CSNK1G1: variants seen among roughly 807,000 people sequenced by gnomAD.
CSNK1G1 encodes casein kinase 1 gamma 1.
CSNK1G1 carries 22 observed loss-of-function variants against 59.6 expected under a neutral mutation model. The ratio of observed to expected loss-of-function variants is 0.37; its 90% confidence interval spans 0.26 to 0.53. The LOEUF is 0.53. Ranked by LOEUF, CSNK1G1 falls within the 20% of genes least tolerant of loss-of-function variation. The pLI is 0.89. For missense variants in CSNK1G1, 384 were observed against 519.5 expected (o/e 0.74, Z 2.54); for synonymous variants, 179 against 177.1 (o/e 1.01, Z -0.08).
intron 4 of CSNK1G1, among the ~76,000 whole-genome samples, chr15:64,228,170 C>T (rs1263757935): frequency 6.6e-6 from 1 of 152,140 alleles, no homozygotes; most frequent in African/African-American, 2.4e-5. Flanking sequence ...TTCCTGTCCA[C>T]CTCTCTGTGG....
chr15:64,230,087 A>G (rs557293639), intron 4 of CSNK1G1, among the ~76,000 whole-genome samples: 1 of 151,340 alleles, frequency 6.6e-6, no homozygotes, highest in East Asian at 1.9e-4. Flanking sequence ...GTGCCCGGCT[A>G]ATTTTTATAT....
At chr15:64,283,819 A>G (rs955172353) in intron 2 of CSNK1G1, among the ~76,000 whole-genome samples, 1 of 152,208 alleles carries the variant, frequency 6.6e-6, no homozygotes, top group African/African-American at 2.4e-5. Context: ...TTTGTCACAC[A>G]AAAGTTTTAA....
chr15:64,177,171 G>A (rs2081750737), intron 11 of CSNK1G1, among the ~76,000 whole-genome samples: 2 of 152,260 alleles, frequency 1.3e-5, no homozygotes, highest in Admixed American at 1.3e-4. Context: ...AGCTGGGTGA[G>A]GAACCCAAAA....
intron 10 of CSNK1G1, among the ~76,000 whole-genome samples, chr15:64,198,533 C>T (rs1166762315): frequency 2.0e-5 from 3 of 151,982 alleles, no homozygotes; most frequent in Non-Finnish European, 4.4e-5. Flanking sequence ...CATAGCAGGT[C>T]CTCAGCTCAG....
At chr15:64,246,303 T>C (rs1024639409) in intron 4 of CSNK1G1, among the ~76,000 whole-genome samples, 1 of 152,188 alleles carries the variant, frequency 6.6e-6, no homozygotes, top group African/African-American at 2.4e-5. Context: ...TTGTTTTGAC[T>C]ACTGCATTTG....
At chr15:64,273,141 G>C (rs995852000) in intron 2 of CSNK1G1, among the ~76,000 whole-genome samples, 2 of 152,180 alleles carry the variant, frequency 1.3e-5, no homozygotes, top group Admixed American at 6.5e-5. Context: ...AAGATAGCTA[G>C]ACAAGAGAAT....
In CSNK1G1 at chr15:64,216,514, G is replaced by A. The variant is rs2082313524; in HGVS notation, c.444+48C>T. 1.9e-6 allele frequency: 3 copies of A among 1,583,554 alleles called. No homozygotes were observed. Among genetic ancestry groups the A allele is most frequent in the Non-Finnish European group, 2.6e-6 (3 of 1,155,188 alleles). On this transcript the variant is annotated intron_variant, in intron 5 of 11. Transcript: ENST00000303052. The surrounding 1 kb of genome is among the most constrained non-coding windows in gnomAD (Gnocchi z 4.6). ...ATCACCAAAAGGCCCACAAGGATGTGGCTGAGGAACCAGCTTATTCTCTTC... is the reference window on the plus strand; with the variant it reads ...ATCACCAAAAGGCCCACAAGGATGTAGCTGAGGAACCAGCTTATTCTCTTC...
intron 1 of CSNK1G1, among the ~76,000 whole-genome samples, chr15:64,312,025 A>T (rs1448209597): frequency 1.3e-5 from 2 of 152,208 alleles, no homozygotes; most frequent in Non-Finnish European, 2.9e-5. Flanking sequence ...TAAGAGAATA[A>T]AATACCTAGG....
At chr15:64,259,737 CA>C (rs548429242) in intron 2 of CSNK1G1, among the ~76,000 whole-genome samples, 71 of 152,212 alleles carry the variant, frequency 4.7e-4, no homozygotes, top group Non-Finnish European at 8.7e-4. Flanking sequence ...AATTATTGCC[CA>C]AACCTACTTT....
At chr15:64,195,949 G>A (rs770694722) in intron 10 of CSNK1G1, among the ~76,000 whole-genome samples, 5 of 152,182 alleles carry the variant, frequency 3.3e-5, no homozygotes, top group Non-Finnish European at 7.3e-5. Flanking sequence ...ATTGTGCTTG[G>A]CCAGGCATGG....
At chr15:64,172,895 T>C (rs1289173333) in intron 11 of CSNK1G1, among the ~76,000 whole-genome samples, 2 of 152,216 alleles carry the variant, frequency 1.3e-5, no homozygotes, top group African/African-American at 4.8e-5. Flanking sequence ...GAACAGGAAG[T>C]ATCACTCTTG....
chr15:64,241,751 T>G (rs1891471620), intron 4 of CSNK1G1, among the ~76,000 whole-genome samples: 1 of 147,178 alleles, frequency 6.8e-6, no homozygotes, highest in Admixed American at 6.7e-5. Context: ...AATAAACACA[T>G]CAAAAAAGTA....
Position 64,207,549 on chromosome 15 carries a change from A to G in CSNK1G1, c.725T>C (p.Met242Thr). Residue 242 changes from methionine (M) to threonine (T), a missense_variant, in exon 7 of 12, where the codon ATG becomes ACG. This residue lies in a region of CSNK1G1 where 325 missense variants were observed against 440.9 expected (regional missense o/e 0.74). Transcript: ENST00000303052. The stretch of plus-strand genomic sequence containing the variant: ...GGGGAGGCTGCCTCGAAGGAAATAC[A>G]TGAACATATGGCCTAGGGCTTCCAA... ...DDLEALGHMF[M>T]YFLRGSLPWQ... 6.2e-7 allele frequency: 1 copy of G among 1,614,098 alleles called. No homozygotes were observed. Among genetic ancestry groups the G allele is most frequent in the African/African-American group, 1.3e-5 (1 of 75,064 alleles).
chr15:64,254,595 G>A (rs755798312), intron 3 of CSNK1G1, among the ~76,000 whole-genome samples: 2 of 152,040 alleles, frequency 1.3e-5, no homozygotes, highest in Non-Finnish European at 2.9e-5. Context: ...CAGGTGATCC[G>A]CCTGCCTTGG....
At chr15:64,333,257 CAAAAAAAAAAAAAA>C (rs60857897) in intron 1 of CSNK1G1, among the ~76,000 whole-genome samples, 1 of 16,502 alleles carries the variant, frequency 6.1e-5, no homozygotes, top group African/African-American at 2.9e-4. Context: ...GACTCCATCT[CAAAAAAAAAAAAAA>C]AAAAAAAAAA....
intron 2 of CSNK1G1, among the ~76,000 whole-genome samples, chr15:64,288,628 C>A (rs1015808869): frequency 5.9e-5 from 9 of 151,364 alleles, no homozygotes; most frequent in African/African-American, 9.7e-5. Context: ...GTCCTAGTAA[C>A]CCCAACATAG....
chr15:64,199,479 C>T (rs1254230549), intron 10 of CSNK1G1, among the ~76,000 whole-genome samples: 7 of 152,130 alleles, frequency 4.6e-5, no homozygotes, highest in Admixed American at 4.6e-4. Flanking sequence ...CATCTCTTTT[C>T]CTCATACTTT....
chr15:64,211,044 T>C (rs1051087529), intron 6 of CSNK1G1, among the ~76,000 whole-genome samples: 2 of 152,174 alleles, frequency 1.3e-5, no homozygotes, highest in African/African-American at 4.8e-5. Flanking sequence ...GCCAGTGCCA[T>C]GCTTCTTGTA....
chr15:64,318,790 T>C (rs941819507), intron 1 of CSNK1G1, among the ~76,000 whole-genome samples: 1 of 151,922 alleles, frequency 6.6e-6, no homozygotes, highest in African/African-American at 2.4e-5. Flanking sequence ...TTTGTATTTT[T>C]AGTAGAGACG....
Sources: gnomAD v4.1 joint callset for allele counts (sites outside exome capture counted in the v4.1 genomes callset) on GRCh38, gnomAD v4.1.1 for gene constraint, gnomAD v4.1.1 regional missense constraint, Gnocchi (gnomAD v3.1) non-coding constraint, MANE v1.5 for transcripts, NCBI Gene and HGNC (gene_info 2026-07-23, HGNC 2026-07-21) for gene names.